Variants in ABCA5 observed in about 807,000 individuals in gnomAD.
The protein encoded by ABCA5 is cholesterol transporter ABCA5.
A neutral mutation model predicts 206.0 loss-of-function variants in ABCA5; 163 were observed. The ratio of observed to expected loss-of-function variants is 0.79; its 90% CI spans 0.70 to 0.90. The LOEUF (loss-of-function observed/expected upper bound fraction) is 0.90, where lower values mean the gene tolerates loss of function less well. Ranked by LOEUF, ABCA5 falls within the 40% of genes least tolerant of loss-of-function variation. The pLI is 0.00. For synonymous variants in ABCA5, 609 were observed against 613.8 expected (o/e 0.99, Z 0.11); for missense variants, 1,859 against 1,912.9 (o/e 0.97, Z 0.53).
chr17:69,284,173 A>G, intron 17 of ABCA5, 101 bp from the exon 18 acceptor site: 1 of 902,260 alleles, frequency 1.1e-6, no homozygotes, highest in Non-Finnish European at 1.5e-6. Context: ...CCTGTGAAAC[A>G]TATCATGACC....
intron 11 of ABCA5, among the ~76,000 whole-genome samples, chr17:69,294,297 C>T (rs571956838): frequency 3.6e-4 from 55 of 151,970 alleles, no homozygotes; most frequent in African/African-American, 1.3e-3. Flanking sequence ...CTGAGGCGGG[C>T]GAACCACCTG....
rs553599138 is a variant in ABCA5, at chr17:69,304,786, T to G, written c.813A>C (p.Thr271=). The change falls in exon 7 of 39, where the codon ACA becomes ACC. Residue 271 remains threonine (T), a synonymous_variant. Transcript: ENST00000392676. The stretch of plus-strand genomic sequence containing the variant: ...GAAGGGACATAAGAAAAATTAAACT[T>G]GTATATAGAAGAACCCAGGAAAGCC... ...AFWLSWVLLY[T]SLIFLMSLLM... The G allele has an allele frequency of 1.2e-6, 2 of 1,603,498 alleles. No homozygotes were observed. The highest frequency in any genetic ancestry group is 2.3e-5 in the South Asian group (2 of 88,858).
chr17:69,252,173 G>T (rs1463633914), intron 34 of ABCA5, among the ~76,000 whole-genome samples: 1 of 126,116 alleles, frequency 7.9e-6, no homozygotes, highest in Admixed American at 7.8e-5. Context: ...CACCACACCC[G>T]GCTAATTTTT....
intron 19 of ABCA5, among the ~76,000 whole-genome samples, chr17:69,275,499 T>C (rs2075322087): frequency 6.6e-6 from 1 of 152,180 alleles, no homozygotes; most frequent in South Asian, 2.1e-4. Context: ...GCATATGGCA[T>C]TGATCAAGTT....
rs759412787 is a variant in ABCA5, at chr17:69,248,275, G to T, written c.4808C>A (p.Ala1603Glu). 5.8e-6 allele frequency: 9 copies of T among 1,555,810 alleles called. No homozygotes were observed. Among genetic ancestry groups the T allele is most frequent in the Admixed American group, 1.7e-5 (1 of 58,404 alleles). ...FAIEEYSFSQ[A>E]TLEQVFVELT... ...ACTTTATAGTACCTGTTCCAATGTT[G>T]CTTGAGAAAAGCTATATTCTTCAAT... The change falls in exon 38 of 39, where the codon GCA (alanine) becomes GAA (glutamate). Residue 1603 changes from alanine to glutamate, a missense_variant. Transcript: ENST00000392676.
intron 1 of ABCA5, among the ~76,000 whole-genome samples, chr17:69,323,868 G>A (rs1274172236): frequency 1.3e-5 from 2 of 152,110 alleles, no homozygotes; most frequent in Non-Finnish European, 2.9e-5. Flanking sequence ...CACTGCTTCT[G>A]CATTTTTAAA....
At chr17:69,285,719 A>T (rs1016280656) in intron 17 of ABCA5, among the ~76,000 whole-genome samples, 179 bp downstream of exon 17, 18 of 151,968 alleles carry the variant, frequency 1.2e-4, no homozygotes, top group African/African-American at 2.2e-4. Flanking sequence ...AAAAAAAAAA[A>T]TTTTGCTGTG....
rs1267782966 is a variant in ABCA5 at position 69,259,724 on chromosome 17, C to T, written c.3713G>A (p.Arg1238Lys). The T allele has an allele frequency of 1.9e-6, 3 of 1,604,864 alleles. No homozygotes were observed. In the Admixed American group the frequency reaches 5.0e-5, roughly 27 times the overall value. Residue 1238 changes from arginine (R) to lysine (K), a missense_variant, in exon 28 of 39, where the codon AGA (arginine) becomes AAA (lysine). By Grantham distance (26) the Arg-to-Lys change is conservative. Coordinates refer to ENST00000392676, the MANE Select transcript of ABCA5 (RefSeq NM_172232.4). ...AACTGACCTGAAAAAGGGATCTTTTCTTATTGATCTGCCTCCATATTTTTT... is the reference window on the plus strand; with the variant it reads ...AACTGACCTGAAAAAGGGATCTTTTTTTATTGATCTGCCTCCATATTTTTT... ...YEKKYGGRSI[R>K]KDPFFRNLST...
At chr17:69,294,832 A>G (rs1395657351) in intron 10 of ABCA5, 119 bp from the exon 11 acceptor site, 1 of 587,832 alleles carries the variant, frequency 1.7e-6, no homozygotes, top group Non-Finnish European at 2.7e-6. Flanking sequence ...AAATAATAAT[A>G]AAGTACTTTC....
intron 34 of ABCA5, among the ~76,000 whole-genome samples, 173 bp downstream of exon 34, chr17:69,253,398 CAA>C (rs34951150): frequency 6.6e-6 from 1 of 152,222 alleles, no homozygotes; most frequent in South Asian, 2.1e-4. Context: ...GAAAAATATG[CAA>C]AGTTTTAAAA....
chr17:69,294,531 A>G, intron 11 of ABCA5, 124 bp downstream of exon 11: 2 of 922,566 alleles, frequency 2.2e-6, no homozygotes, highest in Non-Finnish European at 1.6e-6. Flanking sequence ...CAAAAAAAAT[A>G]AAATAAAATA....
At position 69,301,257 on chromosome 17, in the gene ABCA5, A is replaced by G; in HGVS notation, c.1149T>C (p.Gly383=). 1 of 1,594,890 alleles carries G rather than the reference A, an allele frequency of 6.3e-7. No individual in the cohort carries two copies. The highest frequency in any genetic ancestry group is 8.5e-7 in the Non-Finnish European group (1 of 1,175,572). ...CTGCAGTCAAATTTGAAAATGAAGC[A>G]CCTTCATTAAAATCTTCTAAATGCA... The part of the protein sequence containing the change: ...QVMHLEDFNE[G]ASFSNLTAGP... Residue 383 remains glycine (G), a synonymous_variant, in exon 9 of 39, where the codon GGT becomes GGC. Transcript: ENST00000392676.
At chr17:69,324,400 G>A (rs1254721245) in intron 1 of ABCA5, among the ~76,000 whole-genome samples, 2 of 152,242 alleles carry the variant, frequency 1.3e-5, no homozygotes, top group Non-Finnish European at 2.9e-5. Context: ...ATAAGGCAAA[G>A]TGAACCGGAG....
intron 18 of ABCA5, among the ~76,000 whole-genome samples, chr17:69,280,234 GAC>G (rs1370485451): frequency 2.0e-5 from 3 of 152,154 alleles, no homozygotes; most frequent in African/African-American, 7.2e-5. Context: ...GACATAAACA[GAC>G]ACTTCTCAAA....
chr17:69,321,293 A>C (rs1013277014), intron 1 of ABCA5, among the ~76,000 whole-genome samples: 2 of 152,178 alleles, frequency 1.3e-5, no homozygotes, highest in East Asian at 1.9e-4. Context: ...CACACAGCAG[A>C]GGTGACATGA....
intron 2 of ABCA5, 23 bp downstream of exon 2, chr17:69,314,291 T>C (rs753998184): frequency 7.3e-6 from 11 of 1,506,266 alleles, no homozygotes; most frequent in African/African-American, 1.4e-5. Flanking sequence ...CAAAAAAGCA[T>C]AAGAAAGAGT....
intron 10 of ABCA5, among the ~76,000 whole-genome samples, chr17:69,295,398 AC>A (rs547629122): frequency 2.0e-5 from 3 of 152,136 alleles, no homozygotes; most frequent in Non-Finnish European, 2.9e-5. Flanking sequence ...ATAAGCAAGA[AC>A]CCTGAGACAT....
intron 36 of ABCA5, among the ~76,000 whole-genome samples, 164 bp downstream of exon 36, chr17:69,250,308 A>G (rs1444899513): frequency 2.0e-5 from 3 of 151,836 alleles, no homozygotes; most frequent in Non-Finnish European, 4.4e-5. Flanking sequence ...ACAGATACAT[A>G]TATTTCATAT....
In ABCA5 at chr17:69,289,235, A is replaced by C; in HGVS notation, c.1844T>G (p.Leu615Ter). ...QTIKDNQAKK[L>*]SGGQKRKLSL... is the part of the protein sequence containing the mutation. ...CAGCTTTCTTTTTTGACCACCACTT[A>C]ATTTTTTAGCTTGGTTATCTTTGAT... Residue 615 changes from leucine to a stop codon, truncating the protein, a stop_gained, in exon 14 of 39, where the codon TTA becomes TGA. Transcript: ENST00000392676. LOFTEE classifies it high-confidence loss of function. The C allele has an allele frequency of 3.7e-6, 6 of 1,609,152 alleles. No homozygotes were observed. Among genetic ancestry groups the C allele is most frequent in the Non-Finnish European group, 5.1e-6 (6 of 1,177,902 alleles).
Sources: gnomAD v4.1 joint callset for allele counts (sites outside exome capture counted in the v4.1 genomes callset) on GRCh38, gnomAD v4.1.1 for gene constraint, MANE v1.5 for transcripts, NCBI Gene and HGNC (gene_info 2026-07-23, HGNC 2026-07-21) for gene names.